SSUH2: variants seen among roughly 807,000 people sequenced by gnomAD.
SSUH2 encodes ssu-2 homolog.
A neutral mutation model predicts 55.3 loss-of-function variants in SSUH2; 47 were observed. That is an observed-to-expected ratio of 0.85 (90% CI 0.67 to 1.08). The LOEUF is 1.08. Ranked by LOEUF, SSUH2 falls within the 50% of genes least tolerant of loss-of-function variation. The probability of loss-of-function intolerance (pLI) is 0.00; values close to 1 mark genes in which losing one functional copy is unlikely to be tolerated. For synonymous variants in SSUH2, 212 were observed against 191.5 expected (o/e 1.11, Z -0.89); for missense variants, 535 against 490.7 (o/e 1.09, Z -0.85).
At chr3:8,674,170 C>A (rs1231218544) in intron 3 of SSUH2, among the ~76,000 whole-genome samples, 2 of 152,084 alleles carry the variant, frequency 1.3e-5, no homozygotes, top group African/African-American at 4.8e-5. Context: ...GAAATGCTGA[C>A]CTGTTTGTTA....
rs1705745109 is a variant in SSUH2, at chr3:8,679,178, C to CCT, written c.-901+526_-901+527insAG. ...GGGACTGAGAGGCAGCCGCTGTTCC[C>CCT]CCACACTGGCTCTTGGGACCCCCAT... is the stretch of plus-strand genomic sequence containing the variant. On this transcript the variant is annotated intron_variant, in intron 2 of 18. Transcript: ENST00000317371. Among the ~76,000 whole-genome samples, 6 of 9,818 alleles carry CCT rather than the reference C, an allele frequency of 6.1e-4. 2 individuals carry two copies. Among genetic ancestry groups the CCT allele is most frequent in the Admixed American group, 2.1e-3 (2 of 954 alleles). The allele number at this position is 9,818 out of a possible 152,430, so 6.4% of individuals were successfully genotyped here. A position where few individuals can be genotyped will look rare whatever the true frequency, so the allele number is the denominator to read the frequency against.
intron 2 of SSUH2, among the ~76,000 whole-genome samples, chr3:8,679,055 GGA>G (rs1559569336): frequency 1.9e-5 from 2 of 106,778 alleles, no homozygotes; most frequent in African/African-American, 3.2e-5. Flanking sequence ...ACGCAGGGGA[GGA>G]AGCACCCCCC....
intron 7 of SSUH2, 23 bp downstream of exon 7, chr3:8,629,641 C>CCAGTGGTTCACAGATGACTCA: frequency 6.2e-7 from 1 of 1,613,510 alleles, no homozygotes; most frequent in Non-Finnish European, 8.5e-7. Context: ...CACTGACTCA[C>CCAGTGGTTCACAGATGACTCA]CAGTGGTTCA....
chr3:8,635,855 C>A lies in SSUH2; in HGVS notation c.31G>T (p.Val11Leu). 6.5e-7 allele frequency: 1 copy of A among 1,535,936 alleles called. No homozygotes were observed. Among genetic ancestry groups the A allele is most frequent in the South Asian group, 1.2e-5 (1 of 84,006 alleles). ...TCGGCCTCAAAACTGAGGTCCACCA[C>A]ACCTGCAGAAAGACAAGCATTCCTA... MDRDLNEDDS[V>L]VDLSFEAESP... The change falls in exon 2 of 12, where the codon GTG (valine) becomes TTG (leucine). Residue 11 changes from valine to leucine, a missense_variant and splice_region_variant. Val to Leu is a conservative substitution (Grantham distance 32, BLOSUM62 1). Coordinates refer to ENST00000544814, the MANE Select transcript of SSUH2 (RefSeq NM_001256748.3).
At chr3:8,671,729 T>C (rs759032189) in intron 4 of SSUH2, among the ~76,000 whole-genome samples, 129 of 151,942 alleles carry the variant, frequency 8.5e-4, no homozygotes, top group Admixed American at 5.9e-4. Flanking sequence ...ATATGGAAAA[T>C]AATGTCCCAG....
At chr3:8,658,730 C>A (rs1408635085) in intron 7 of SSUH2, among the ~76,000 whole-genome samples, 1 of 151,906 alleles carries the variant, frequency 6.6e-6, no homozygotes, top group East Asian at 1.9e-4. Context: ...TTTCAGGCCA[C>A]AAAAAAACAG....
Position 8,627,798 on chromosome 3 carries a change from C to T in SSUH2, c.589-15G>A, listed in dbSNP as rs756856940. ...GGGCACCGCACCTGCAGACACACCA[C>T]TGCCTCAGCCCCCGCTGGCCTCCCA... is the stretch of plus-strand genomic sequence containing the variant. On this transcript the variant is annotated splice_polypyrimidine_tract_variant and intron_variant, in intron 7 of 11. Transcript: ENST00000544814. 1 of 1,601,396 alleles carries T rather than the reference C, an allele frequency of 6.2e-7. No individual in the cohort carries two copies. The highest frequency in any genetic ancestry group is 8.5e-7 in the Non-Finnish European group (1 of 1,174,662).
At chr3:8,640,561 G>A (rs1217286349) in intron 1 of SSUH2, among the ~76,000 whole-genome samples, 1 of 152,168 alleles carries the variant, frequency 6.6e-6, no homozygotes, top group Middle Eastern at 3.2e-3. Flanking sequence ...GCAGACCAGG[G>A]TGAGAGAAGG....
At position 8,664,169 on chromosome 3, in the gene SSUH2, C is replaced by G. The variant is rs143606798; in HGVS notation, c.-454-367G>C. The stretch of plus-strand genomic sequence containing the variant: ...TAGGGAGAGAGGAAGACGGGGAGCC[C>G]AAGTGGATTGTTTCGAAGCTCCTAG... On this transcript the variant is annotated intron_variant, in intron 5 of 18. Coordinates refer to the SSUH2 transcript ENST00000317371. 1.4e-3 allele frequency among the ~76,000 whole-genome samples: 206 copies of G among 152,280 alleles called. 6 individuals are homozygous for G. The East Asian group carries it at 0.033, about 25-fold the overall frequency.
At chr3:8,627,656 A>G (rs757515526) in intron 8 of SSUH2, 42 bp downstream of exon 8, 3 of 1,467,982 alleles carry the variant, frequency 2.0e-6, no homozygotes, top group Non-Finnish European at 2.7e-6. Flanking sequence ...AAAAGCCAGA[A>G]AGCAAGAGCA....
rs1695993162 is a variant in SSUH2, at chr3:8,619,391, A to G, written c.*477T>C. ...TGAATTCCTGATCCACAGAATGGGC[A>G]GTAACATATTGCACTTTATGCCTAA... is the stretch of plus-strand genomic sequence containing the variant. On this transcript the variant is annotated 3_prime_UTR_variant, in exon 12 of 12. Transcript: ENST00000544814. 6.5e-6 allele frequency: 1 copy of G among 154,302 alleles called. No individual in the cohort carries two copies. Among genetic ancestry groups the G allele is most frequent in the East Asian group, 1.9e-4 (1 of 5,224 alleles). The allele number at this position is 154,302 out of a possible 1,614,324, so 9.6% of individuals were successfully genotyped here.
At chr3:8,668,163 T>C (rs1177120255) in intron 5 of SSUH2, among the ~76,000 whole-genome samples, 1 of 152,178 alleles carries the variant, frequency 6.6e-6, no homozygotes, top group East Asian at 1.9e-4. Flanking sequence ...GCTCTTTCCC[T>C]GGGTATTCCA....
intron 7 of SSUH2, among the ~76,000 whole-genome samples, chr3:8,654,423 G>A (rs1041775442): frequency 1.3e-5 from 2 of 152,074 alleles, no homozygotes; most frequent in South Asian, 2.1e-4. Flanking sequence ...CTAACACTTC[G>A]TAGTTTCCCA....
At chr3:8,666,470 T>C (rs978101430) in intron 5 of SSUH2, among the ~76,000 whole-genome samples, 1 of 152,078 alleles carries the variant, frequency 6.6e-6, no homozygotes, top group African/African-American at 2.4e-5. Flanking sequence ...GAGAAACCTG[T>C]AAGGTGTGAG....
chr3:8,635,631 G>T (rs536287308), intron 2 of SSUH2, 128 bp downstream of exon 2: 3 of 916,814 alleles, frequency 3.3e-6, no homozygotes, highest in Admixed American at 2.8e-5. Context: ...TGCCCAAGAT[G>T]AGGGGCTTCC....
intron 7 of SSUH2, among the ~76,000 whole-genome samples, chr3:8,652,948 G>A (rs1702571514): frequency 6.6e-6 from 1 of 152,212 alleles, no homozygotes; most frequent in Non-Finnish European, 1.5e-5. Flanking sequence ...GGAGTGGGGA[G>A]GAGACTGGGC....
At chr3:8,675,543 G>A (rs940529312) in intron 3 of SSUH2, among the ~76,000 whole-genome samples, 28 of 152,278 alleles carry the variant, frequency 1.8e-4, no homozygotes, top group African/African-American at 6.7e-4. Flanking sequence ...GCCGACAGCA[G>A]GTACCTTACT....
At chr3:8,635,878 C>T (rs11709308) in intron 1 of SSUH2, 21 bp from the exon 2 acceptor site, 1 of 1,534,440 alleles carries the variant, frequency 6.5e-7, no homozygotes, top group Admixed American at 2.0e-5. Flanking sequence ...ACAAGCATTC[C>T]TAAGCCTTGG....
rs150785183 is a variant in SSUH2, at chr3:8,633,781, G to A, written c.224C>T (p.Thr75Met). The change falls in exon 4 of 12, where the codon ACG (threonine) becomes ATG (methionine). Residue 75 changes from threonine to methionine, a missense_variant. By Grantham distance (81) the Thr-to-Met change is moderately conservative. Transcript: ENST00000544814. ...SFLEHRVPAM[T>M]EEVAREALLS... ...GAGGGCTTCCCGGGCCACCTCCTCCGTCATCGCAGGGACTCTGCAGGGGAC... is the reference window on the plus strand; with the variant it reads ...GAGGGCTTCCCGGGCCACCTCCTCCATCATCGCAGGGACTCTGCAGGGGAC... The A allele has an allele frequency of 2.5e-3, 4,076 of 1,612,472 alleles. 16 individuals are homozygous for A. The highest frequency in any genetic ancestry group is 2.8e-3 in the Admixed American group (165 of 59,970).
Sources: gnomAD v4.1 joint callset for allele counts (sites outside exome capture counted in the v4.1 genomes callset) on GRCh38, gnomAD v4.1.1 for gene constraint, MANE v1.5 for transcripts, NCBI Gene and HGNC (gene_info 2026-07-23, HGNC 2026-07-21) for gene names.